The following COL26A1 variants were observed in gnomAD, a reference collection of about 807,000 sequenced individuals.
COL26A1 encodes the protein collagen alpha-1(XXVI) chain.
In COL26A1, 41 loss-of-function variants were observed where a neutral mutation model predicts 59.3. The ratio of observed to expected loss-of-function variants is 0.69; its 90% CI spans 0.54 to 0.90. The LOEUF (loss-of-function observed/expected upper bound fraction) is 0.90, where lower values mean the gene tolerates loss of function less well. COL26A1 is among the 40% of genes least tolerant of loss of function. COL26A1 has a pLI of 0.00. For missense variants in COL26A1, 612 were observed against 602.3 expected (o/e 1.02, Z -0.17); for synonymous variants, 266 against 256.0 (o/e 1.04, Z -0.37).
In COL26A1 at chr7:101,387,764, A is replaced by ATTTTT. The variant is rs1449600744; in HGVS notation, c.158+24575_158+24576insTTTTT. On this transcript the variant is annotated intron_variant, in intron 1 of 12. Coordinates refer to ENST00000313669, the MANE Select transcript of COL26A1 (RefSeq NM_001278563.3). ...TATATATATATATATTTATATATAT[A>ATTTTT]TATATATATATATATTTTTTTTTAA... Among the ~76,000 whole-genome samples the ATTTTT allele has an allele frequency of 6.6e-4, 25 of 37,828 alleles. No individual in the cohort carries two copies. The East Asian group carries it at 0.012, about 18-fold the overall frequency. The allele number at this position is 37,828 out of a possible 152,430, so 24.8% of individuals were successfully genotyped here. A position where few individuals can be genotyped will look rare whatever the true frequency, so the allele number is the denominator to read the frequency against.
chr7:101,401,680 T>C (rs1353405778), intron 1 of COL26A1, among the ~76,000 whole-genome samples: 7 of 82,244 alleles, frequency 8.5e-5, no homozygotes, highest in Non-Finnish European at 1.7e-4. Context: ...AAGAAGATGT[T>C]GGAGGCTGAG....
chr7:101,517,577 C>T (rs985724179), intron 3 of COL26A1, among the ~76,000 whole-genome samples: 2 of 152,104 alleles, frequency 1.3e-5, no homozygotes, highest in African/African-American at 4.8e-5. Flanking sequence ...ACGAGAACGG[C>T]ATGAGAAAGA....
chr7:101,409,905 T>A (rs1792205790), intron 1 of COL26A1, among the ~76,000 whole-genome samples: 1 of 151,978 alleles, frequency 6.6e-6, no homozygotes, highest in South Asian at 2.1e-4. Context: ...GGACTACAGG[T>A]GCCCACCACC....
chr7:101,410,096 G>A (rs1424959882), intron 1 of COL26A1, among the ~76,000 whole-genome samples: 1 of 152,044 alleles, frequency 6.6e-6, no homozygotes, highest in Non-Finnish European at 1.5e-5. Context: ...TGGTGGGCAG[G>A]GGGCTAGGGA....
chr7:101,405,047 C>A (rs1267128682), intron 1 of COL26A1, among the ~76,000 whole-genome samples: 1 of 152,012 alleles, frequency 6.6e-6, no homozygotes, highest in Non-Finnish European at 1.5e-5. Flanking sequence ...CACGGTGAAA[C>A]CCCGTCTCTA....
chr7:101,556,096 G>A (rs543649600), intron 12 of COL26A1, among the ~76,000 whole-genome samples: 1 of 152,270 alleles, frequency 6.6e-6, no homozygotes, highest in Non-Finnish European at 1.5e-5. Flanking sequence ...TAGCCATGGT[G>A]GGCAGAGCCC....
intron 3 of COL26A1, among the ~76,000 whole-genome samples, chr7:101,483,284 G>A (rs1163324148): frequency 2.7e-5 from 4 of 150,362 alleles, no homozygotes; most frequent in African/African-American, 9.8e-5. Flanking sequence ...TGCAACCTCC[G>A]CCTCCTGGGT....
intron 3 of COL26A1, among the ~76,000 whole-genome samples, chr7:101,452,762 A>G (rs1793374479): frequency 6.6e-6 from 1 of 151,848 alleles, no homozygotes; most frequent in African/African-American, 2.4e-5. Flanking sequence ...TATTATTATT[A>G]TTATTTATTA....
intron 3 of COL26A1, among the ~76,000 whole-genome samples, chr7:101,519,566 A>G (rs1795097825): frequency 6.6e-6 from 1 of 152,140 alleles, no homozygotes; most frequent in Non-Finnish European, 1.5e-5. Context: ...ATGCATGTGC[A>G]CCTTCTGAGA....
chr7:101,442,054 C>T (rs1793071665), intron 2 of COL26A1, among the ~76,000 whole-genome samples: 1 of 152,162 alleles, frequency 6.6e-6, no homozygotes, highest in Admixed American at 6.5e-5. Flanking sequence ...TCCCATCGTG[C>T]AGAGGTTAAG....
chr7:101,510,471 C>T (rs1794898844), intron 3 of COL26A1, among the ~76,000 whole-genome samples: 1 of 152,220 alleles, frequency 6.6e-6, no homozygotes, highest in South Asian at 2.1e-4. Context: ...CACCTTTGCT[C>T]ACTACCTGCC....
chr7:101,434,183 CTTCT>C (rs1294197016), intron 2 of COL26A1, among the ~76,000 whole-genome samples: 3 of 113,136 alleles, frequency 2.7e-5, no homozygotes, highest in East Asian at 2.5e-4. Flanking sequence ...TCCTTCCTTC[CTTCT>C]CTCTCTCTCT....
chr7:101,386,876 T>C (rs768107929), intron 1 of COL26A1, among the ~76,000 whole-genome samples: 25 of 152,258 alleles, frequency 1.6e-4, no homozygotes, highest in Admixed American at 1.1e-3. Flanking sequence ...GGTGGTAGCA[T>C]TGCAAGTTGT....
chr7:101,462,527 G>A (rs1793640165), intron 3 of COL26A1, among the ~76,000 whole-genome samples: 1 of 151,820 alleles, frequency 6.6e-6, no homozygotes, highest in African/African-American at 2.4e-5. Context: ...ATGTTAGTCA[G>A]GCTGGTCTCG....
chr7:101,416,123 G>T lies in COL26A1; in HGVS notation c.159-3854G>T, dbSNP rs1441299309. 2.8e-5 allele frequency among the ~76,000 whole-genome samples: 4 copies of T among 143,100 alleles called. 1 individual carries two copies. The highest frequency in any genetic ancestry group is 6.3e-5 in the Non-Finnish European group (4 of 63,164). 93.9% of individuals were successfully genotyped at this position (143,100 alleles called of 152,430 possible). ...TTAAACCTGAGTTTAGCAGGGCATG[G>T]TGGCACACGCCTGGAATCCCAGCCC... On this transcript the variant is annotated intron_variant, in intron 1 of 12. Coordinates refer to ENST00000313669, the MANE Select transcript of COL26A1 (RefSeq NM_001278563.3).
At chr7:101,498,553 G>A (rs764563178) in intron 3 of COL26A1, among the ~76,000 whole-genome samples, 3 of 152,136 alleles carry the variant, frequency 2.0e-5, no homozygotes, top group African/African-American at 4.8e-5. Context: ...GTAAGTGTCC[G>A]ATGCCTCTAA....
At chr7:101,448,748 T>C (rs935021497) in intron 3 of COL26A1, among the ~76,000 whole-genome samples, 1 of 152,104 alleles carries the variant, frequency 6.6e-6, no homozygotes, top group Non-Finnish European at 1.5e-5. Flanking sequence ...CACCTTAGCC[T>C]CCCAAAGTGC....
At chr7:101,529,198 G>T (rs1245104151) in intron 3 of COL26A1, among the ~76,000 whole-genome samples, 7 of 152,302 alleles carry the variant, frequency 4.6e-5, no homozygotes, top group Middle Eastern at 3.4e-3. Context: ...GATTCAGGGG[G>T]TTATATGTGC....
chr7:101,555,843 C>A lies in COL26A1; in HGVS notation c.1137C>A (p.Leu379=). 6.2e-7 allele frequency: 1 copy of A among 1,611,474 alleles called. No homozygotes were observed. The change falls in exon 12 of 13, where the codon CTC becomes CTA. Residue 379 remains leucine, a synonymous_variant. Coordinates refer to ENST00000313669, the MANE Select transcript of COL26A1 (RefSeq NM_001278563.3). ...EALKILAERV[L]ILEHMIGIHD... The stretch of plus-strand genomic sequence containing the variant: ...TGAAGATCCTGGCAGAGCGAGTCCT[C>A]ATCCTGGAGCACATGATTGGGATCC...
Sources: allele counts gnomAD v4.1 joint callset (sites outside exome capture counted in the v4.1 genomes callset), GRCh38; gene constraint gnomAD v4.1.1; transcripts MANE v1.5; gene names NCBI Gene and HGNC (gene_info 2026-07-23, HGNC 2026-07-21).